The following OR13A1 variants were observed in gnomAD, a reference collection of about 807,000 sequenced individuals.
The protein encoded by OR13A1 is olfactory receptor family 13 subfamily A member 1, also known as olfactory receptor 13A1.
OR13A1 carries 10 observed loss-of-function variants against 7.5 expected under a neutral mutation model. The ratio of observed to expected loss-of-function variants is 1.34; its 90% CI spans 0.83 to 2.27. The LOEUF is 2.27. Ranked by LOEUF, OR13A1 falls within the 30% of genes most tolerant of loss-of-function variation. OR13A1 has a pLI of 0.00. For synonymous variants in OR13A1, 238 were observed against 177.9 expected, an observed-to-expected ratio of 1.34 and a Z score of -2.69; for missense variants, 509 against 419.1, an observed-to-expected ratio of 1.21 and a Z score of -1.87.
chr10:45,302,427 A>G (rs1206856964), downstream of OR13A1: 2 of 152,230 alleles, frequency 1.3e-5, no homozygotes, highest in Non-Finnish European at 2.9e-5. Flanking sequence ...ACAGTCAGCT[A>G]CAATTCATCA....
intron 1 of OR13A1, among the ~76,000 whole-genome samples, chr10:45,308,296 T>A (rs1838377739): frequency 6.6e-6 from 1 of 152,232 alleles, no homozygotes; most frequent in Non-Finnish European, 1.5e-5. Context: ...CTTACCCTGG[T>A]CACACAGAGT....
At chr10:45,309,276 G>A (rs909968774) in intron 1 of OR13A1, among the ~76,000 whole-genome samples, 2 of 152,080 alleles carry the variant, frequency 1.3e-5, no homozygotes, top group Non-Finnish European at 2.9e-5. Context: ...GCGAGGCATG[G>A]AGCAAATGTT....
Position 45,304,364 on chromosome 10 carries a change from A to C in OR13A1, c.59T>G (p.Met20Arg). 6.2e-7 allele frequency: 1 copy of C among 1,614,126 alleles called. No individual in the cohort carries two copies. The highest frequency in any genetic ancestry group is 2.2e-5 in the East Asian group (1 of 44,880). ...IVPETRPSPRMMSNQTLVTEF... is the reference protein window; with the variant it reads ...IVPETRPSPRRMSNQTLVTEF... ...GGTTACCAACGTCTGGTTACTCATC[A>C]TCCTTGGGCTGGGACGGGTTTCTGG... The change falls in exon 4 of 4, where the codon ATG becomes AGG. Residue 20 changes from methionine (M) to arginine (R), a missense_variant. By Grantham distance (91) the Met-to-Arg change is moderately conservative (BLOSUM62 -1). Transcript: ENST00000553795.
chr10:45,310,771 T>A (rs1838429261), intron 1 of OR13A1, among the ~76,000 whole-genome samples: 1 of 152,104 alleles, frequency 6.6e-6, no homozygotes, highest in African/African-American at 2.4e-5. Context: ...GATGATTATA[T>A]ACTTACACAA....
chr10:45,304,491 C>A, intron 3 of OR13A1, 57 bp from the exon 4 acceptor site: 4 of 1,398,712 alleles, frequency 2.9e-6, no homozygotes, highest in Non-Finnish European at 3.9e-6. Flanking sequence ...TTCTTCCACA[C>A]CTCACATCAC....
chr10:45,311,449 G>C (rs987610970), intron 1 of OR13A1, among the ~76,000 whole-genome samples: 1 of 152,138 alleles, frequency 6.6e-6, no homozygotes, highest in African/African-American at 2.4e-5. Context: ...GAAAGGCTTA[G>C]AGCAAACTGG....
intron 1 of OR13A1, among the ~76,000 whole-genome samples, chr10:45,310,017 T>C (rs1264555918): frequency 6.6e-6 from 1 of 152,212 alleles, no homozygotes; most frequent in Non-Finnish European, 1.5e-5. Context: ...TTAGAAACCA[T>C]GTTAGTTGTC....
At chr10:45,305,312 A>T (rs72784580) in intron 3 of OR13A1, among the ~76,000 whole-genome samples, 12,621 of 148,422 alleles carry the variant, frequency 0.085, 726 homozygotes, top group Non-Finnish European at 0.11. Context: ...TCTCATTTTT[A>T]AAAAAAAAAT....
intron 1 of OR13A1, among the ~76,000 whole-genome samples, chr10:45,313,637 A>C (rs1438547630): frequency 6.6e-6 from 1 of 152,108 alleles, no homozygotes; most frequent in Admixed American, 6.6e-5. Context: ...TATCCAACAA[A>C]ATAGACTTAA....
chr10:45,303,971 C>T lies in OR13A1; in HGVS notation c.452G>A (p.Ser151Asn), dbSNP rs1438776713. The change falls in exon 4 of 4, where the codon AGC becomes AAC. Residue 151 changes from serine to asparagine, a missense_variant. Coordinates refer to ENST00000553795, the MANE Select transcript of OR13A1 (RefSeq NM_001004297.3). Reference sequence around the variant, plus strand: ...GCAGAACACCTTGCTCATCATGCTGCTGTAATGCAGCGGGTGGCAGATGGC... The same window carrying T: ...GCAGAACACCTTGCTCATCATGCTGTTGTAATGCAGCGGGTGGCAGATGGC... Reference protein sequence around the residue: ...YAAICHPLHYSSMMSKVFCSG... With the variant: ...YAAICHPLHYNSMMSKVFCSG... 1 of 1,613,366 alleles carries T rather than the reference C, an allele frequency of 6.2e-7. No homozygotes were observed. The highest frequency in any genetic ancestry group is 1.7e-5 in the Admixed American group (1 of 59,980).
intron 3 of OR13A1, among the ~76,000 whole-genome samples, chr10:45,305,304 T>C (rs959507764): frequency 1.4e-4 from 21 of 151,840 alleles, no homozygotes; most frequent in African/African-American, 5.1e-4. Context: ...CAATAGGATC[T>C]CATTTTTAAA....
chr10:45,313,781 G>C (rs373373230), intron 1 of OR13A1, among the ~76,000 whole-genome samples: 1 of 152,204 alleles, frequency 6.6e-6, no homozygotes, highest in African/African-American at 2.4e-5. Context: ...AACATTGACA[G>C]ATCAGAGAGG....
At chr10:45,305,675 G>T (rs1156780790) in intron 3 of OR13A1, among the ~76,000 whole-genome samples, 1 of 152,150 alleles carries the variant, frequency 6.6e-6, no homozygotes, top group African/African-American at 2.4e-5. Flanking sequence ...CTCCAGCCAT[G>T]CCCTGCACTC....
intron 1 of OR13A1, among the ~76,000 whole-genome samples, chr10:45,314,990 T>C (rs1009525871): frequency 6.6e-6 from 1 of 152,150 alleles, no homozygotes; most frequent in Non-Finnish European, 1.5e-5. Context: ...AACCAATGTT[T>C]CTCAAAGTCA....
chr10:45,303,999 C>T lies in OR13A1; in HGVS notation c.424G>A (p.Ala142Thr), dbSNP rs751067917. 5 of 1,612,000 alleles carry T rather than the reference C, an allele frequency of 3.1e-6. No homozygotes were observed. The highest frequency in any genetic ancestry group is 1.3e-5 in the African/African-American group (1 of 74,876). Residue 142 changes from alanine to threonine, a missense_variant, in exon 4 of 4, where the codon GCA (alanine) becomes ACA (threonine). Ala to Thr is a moderately conservative substitution (Grantham distance 58). Transcript: ENST00000553795. ...TAATGCAGCGGGTGGCAGATGGCTG[C>T]GTACCGGTCATAGGCCATGACCGTG... ...LLTVMAYDRY[A>T]AICHPLHYSS...
At chr10:45,304,853 T>C (rs887550246) in intron 3 of OR13A1, among the ~76,000 whole-genome samples, 1 of 152,238 alleles carries the variant, frequency 6.6e-6, no homozygotes, top group African/African-American at 2.4e-5. Context: ...GCACTATTTA[T>C]AATAGTGGAA....
intron 1 of OR13A1, among the ~76,000 whole-genome samples, chr10:45,312,915 C>T (rs1017570805): frequency 3.3e-5 from 5 of 151,904 alleles, no homozygotes; most frequent in Admixed American, 2.0e-4. Context: ...TAGTATCTTG[C>T]AAGTTGAAAC....
intron 1 of OR13A1, among the ~76,000 whole-genome samples, chr10:45,311,637 T>C (rs1327057771): frequency 6.6e-6 from 1 of 151,992 alleles, no homozygotes; most frequent in Non-Finnish European, 1.5e-5. Context: ...GACATTAAAA[T>C]AGTAGTGATA....
At position 45,304,415 on chromosome 10, in the gene OR13A1, A is replaced by C; in HGVS notation, c.8T>G (p.Leu3Arg). 6.2e-7 allele frequency: 1 copy of C among 1,611,592 alleles called. No homozygotes were observed. The highest frequency in any genetic ancestry group is 8.5e-7 in the Non-Finnish European group (1 of 1,178,900). The change falls in exon 4 of 4, where the codon CTG becomes CGG. Residue 3 changes from leucine (L) to arginine (R), a missense_variant. Coordinates refer to ENST00000553795, the MANE Select transcript of OR13A1 (RefSeq NM_001004297.3). MK[L>R]WMESHLIVPE... ...GACTATCAGGTGACTCTCCATCCACAGCTTCATGTGATTTCAGAGCTAGAG... is the reference window on the plus strand; with the variant it reads ...GACTATCAGGTGACTCTCCATCCACCGCTTCATGTGATTTCAGAGCTAGAG...
Sources: gnomAD v4.1 joint callset for allele counts (sites outside exome capture counted in the v4.1 genomes callset) on GRCh38, gnomAD v4.1.1 for gene constraint, MANE v1.5 for transcripts, NCBI Gene and HGNC (gene_info 2026-07-23, HGNC 2026-07-21) for gene names.